The following LRP1B variants were observed in gnomAD, a reference collection of about 807,000 sequenced individuals.
LRP1B encodes the protein LDL receptor related protein 1B.
In LRP1B, 217 loss-of-function variants were observed where a neutral mutation model predicts 556.6. That is an observed-to-expected ratio of 0.39 (90% CI 0.35 to 0.44). The LOEUF (loss-of-function observed/expected upper bound fraction) is 0.44. LRP1B is among the 20% of genes least tolerant of loss of function. LRP1B has a pLI of 1.00. For missense variants in LRP1B, 5,053 were observed against 5,620.8 expected (o/e 0.90, Z 3.23); for synonymous variants, 2,047 against 1,865.8 (o/e 1.10, Z -2.50).
intron 41 of LRP1B, among the ~76,000 whole-genome samples, chr2:140,658,922 T>C (rs911623427): frequency 2.0e-5 from 3 of 151,956 alleles, no homozygotes; most frequent in Non-Finnish European, 4.4e-5. Flanking sequence ...GTTTATGAAT[T>C]CTAAATCAAT....
Position 140,545,426 on chromosome 2 carries a change from A to T in LRP1B, c.7195-3455T>A, listed in dbSNP as rs1003613591. ...GGGTTTTTATAGTTTTGAGTTTTACATTTAATTATTTAATGCATTTTGAGT... is the reference window on the plus strand; with the variant it reads ...GGGTTTTTATAGTTTTGAGTTTTACTTTTAATTATTTAATGCATTTTGAGT... On this transcript the variant is annotated intron_variant, in intron 43 of 90. Transcript: ENST00000389484. Among the ~76,000 whole-genome samples the T allele has an allele frequency of 2.0e-5, 3 of 152,036 alleles. No homozygotes were observed. The South Asian group carries it at 6.2e-4, about 31-fold the overall frequency.
chr2:141,633,717 T>C (rs1213741814), intron 2 of LRP1B, among the ~76,000 whole-genome samples: 1 of 152,020 alleles, frequency 6.6e-6, no homozygotes, highest in Non-Finnish European at 1.5e-5. Flanking sequence ...TCCAGAACTT[T>C]TCATGATCAC....
chr2:141,339,299 G>GC (rs1335154134), intron 3 of LRP1B, among the ~76,000 whole-genome samples: 608 of 48,784 alleles, frequency 0.012, 1 homozygote, highest in African/African-American at 0.044. Flanking sequence ...TTGGGGTAAC[G>GC]CAAAAAAAAA....
chr2:141,243,326 T>A (rs116126524), intron 5 of LRP1B, among the ~76,000 whole-genome samples: 1,887 of 151,924 alleles, frequency 0.012, 22 homozygotes, highest in Non-Finnish European at 0.018. Flanking sequence ...GTACAAAAAA[T>A]TTTTAAATTA....
At chr2:141,055,612 G>C (rs1699158806) in intron 9 of LRP1B, among the ~76,000 whole-genome samples, 1 of 151,738 alleles carries the variant, frequency 6.6e-6, no homozygotes, top group South Asian at 2.1e-4. Flanking sequence ...TGAATACAAA[G>C]ATCCACAAAA....
intron 1 of LRP1B, among the ~76,000 whole-genome samples, chr2:142,025,848 T>C (rs1290064105): frequency 1.3e-5 from 2 of 152,142 alleles, no homozygotes; most frequent in Admixed American, 1.3e-4. Flanking sequence ...ATGCGCTCCA[T>C]GCATTTTAAG....
intron 3 of LRP1B, 100 bp downstream of exon 3, chr2:141,480,296 C>G (rs149090935): frequency 8.2e-7 from 1 of 1,223,254 alleles, no homozygotes; most frequent in East Asian, 2.5e-5. Context: ...AACTGATATG[C>G]TTGTAGTTGA....
intron 77 of LRP1B, among the ~76,000 whole-genome samples, chr2:140,341,874 TG>T (rs1311895475): frequency 6.6e-6 from 1 of 151,324 alleles, no homozygotes; most frequent in African/African-American, 2.4e-5. Flanking sequence ...TTGGCTATGG[TG>T]TGGAGAATGG....
Position 142,123,117 on chromosome 2 carries a change from C to T in LRP1B, c.82+7531G>A, listed in dbSNP as rs150205968. ...AAAACAGATGATTCTAAACACATTT[C>T]GGTTATCAGCATTACACCTACAGCT... On this transcript the variant is annotated intron_variant, in intron 1 of 90. Coordinates refer to ENST00000389484, the MANE Select transcript of LRP1B (RefSeq NM_018557.3). 7.6e-3 allele frequency among the ~76,000 whole-genome samples: 1,154 copies of T among 152,056 alleles called. 20 individuals carry two copies. The highest frequency in any genetic ancestry group is 0.026 in the African/African-American group (1,081 of 41,522).
At chr2:141,931,608 C>G (rs1463126880) in intron 1 of LRP1B, among the ~76,000 whole-genome samples, 1 of 151,914 alleles carries the variant, frequency 6.6e-6, no homozygotes, top group Middle Eastern at 3.4e-3. Flanking sequence ...CTAAAAATGT[C>G]TTATTAATCC....
intron 41 of LRP1B, among the ~76,000 whole-genome samples, chr2:140,605,368 C>A (rs1349508971): frequency 6.6e-6 from 1 of 152,102 alleles, no homozygotes; most frequent in East Asian, 1.9e-4. Flanking sequence ...GGATACAGGT[C>A]CAATTCACTA....
chr2:141,023,931 A>C (rs2105403053), intron 11 of LRP1B, among the ~76,000 whole-genome samples: 1 of 152,156 alleles, frequency 6.6e-6, no homozygotes, highest in African/African-American at 2.4e-5. Context: ...GTGAGTACAG[A>C]GTATGGTAAA....
chr2:141,097,395 G>C (rs1700349133), intron 7 of LRP1B, among the ~76,000 whole-genome samples: 1 of 152,018 alleles, frequency 6.6e-6, no homozygotes, highest in South Asian at 2.1e-4. Context: ...TATTAAGCAA[G>C]TATCTGTGAA....
chr2:141,287,530 T>C (rs925920081), intron 3 of LRP1B, among the ~76,000 whole-genome samples: 1 of 152,246 alleles, frequency 6.6e-6, no homozygotes, highest in Admixed American at 6.5e-5. Context: ...AATTTCTCTC[T>C]AAGCAATACT....
intron 77 of LRP1B, among the ~76,000 whole-genome samples, chr2:140,344,228 C>T (rs540183154): frequency 6.6e-6 from 1 of 151,862 alleles, no homozygotes; most frequent in African/African-American, 2.4e-5. Context: ...ATCGTTTTCA[C>T]TTTTTGGCAT....
chr2:140,939,885 A>ATTTTTTT (rs3063651), intron 20 of LRP1B, among the ~76,000 whole-genome samples: 2 of 132,652 alleles, frequency 1.5e-5, no homozygotes, highest in African/African-American at 2.8e-5. Flanking sequence ...ATTTGGTGTA[A>ATTTTTTT]TTTTTTTTTT....
intron 2 of LRP1B, among the ~76,000 whole-genome samples, chr2:141,757,281 T>G (rs541940576): frequency 2.6e-5 from 4 of 152,290 alleles, no homozygotes; most frequent in African/African-American, 9.6e-5. Flanking sequence ...GATGCCACAT[T>G]TCACATGACC....
intron 3 of LRP1B, among the ~76,000 whole-genome samples, chr2:141,363,566 T>G (rs7565389): frequency 0.027 from 4,083 of 152,220 alleles, 186 homozygotes; most frequent in African/African-American, 0.093. Flanking sequence ...ACAACAAAAA[T>G]ATTTAGAGTA....
At chr2:140,720,078 T>C (rs1244721953) in intron 35 of LRP1B, among the ~76,000 whole-genome samples, 2 of 152,014 alleles carry the variant, frequency 1.3e-5, no homozygotes, top group Non-Finnish European at 2.9e-5. Flanking sequence ...GTTGCAAAGA[T>C]AGAAAGAGAA....
Sources: gnomAD v4.1 joint callset for allele counts (sites outside exome capture counted in the v4.1 genomes callset) on GRCh38, gnomAD v4.1.1 for gene constraint, MANE v1.5 for transcripts, NCBI Gene and HGNC (gene_info 2026-07-23, HGNC 2026-07-21) for gene names.